The following WHAMM variants were observed in gnomAD, a reference collection of about 807,000 sequenced individuals.
WHAMM encodes the protein WASP homolog-associated protein with actin, membranes and microtubules.
WHAMM carries 67 observed loss-of-function variants against 76.5 expected under a neutral mutation model. That is an observed-to-expected ratio of 0.88 (90% confidence interval 0.72 to 1.07). The LOEUF (loss-of-function observed/expected upper bound fraction) is 1.07, where lower values mean the gene tolerates loss of function less well. Among genes scored for constraint, WHAMM ranks in the 50% least tolerant of loss-of-function variants. The pLI is 0.00. For missense variants in WHAMM, 1,021 were observed against 1,051.1 expected, an observed-to-expected ratio of 0.97 and a Z score of 0.40; for synonymous variants, 419 against 422.1, an observed-to-expected ratio of 0.99 and a Z score of 0.09.
Position 82,810,334 on chromosome 15 carries a change from A to G in WHAMM, c.608A>G (p.Gln203Arg). 1 of 1,309,518 alleles carries G rather than the reference A, an allele frequency of 7.6e-7. No homozygotes were observed. The highest frequency in any genetic ancestry group is 9.7e-7 in the Non-Finnish European group (1 of 1,034,738). 81.1% of individuals were successfully genotyped at this position (1,309,518 alleles called of 1,614,324 possible). ...RWVEADARLR[Q>R]VIQGHGKANT... ...GTCGAGGCGGACGCGCGGCTGCGCCAGGTAAGCGAGGCCCGGTCGCCGGCG... is the reference window on the plus strand; with the variant it reads ...GTCGAGGCGGACGCGCGGCTGCGCCGGGTAAGCGAGGCCCGGTCGCCGGCG... The change falls in exon 1 of 10, where the codon CAG becomes CGG. Residue 203 changes from glutamine to arginine, a missense_variant and splice_region_variant. By Grantham distance (43) the Gln-to-Arg change is conservative. Transcript: ENST00000286760.
chr15:82,810,734 G>C, intron 1 of WHAMM: 3 of 985,466 alleles, frequency 3.0e-6, no homozygotes, highest in Non-Finnish European at 3.6e-6. Context: ...TGTATGAGGG[G>C]ACGTCGCAAA....
chr15:82,810,493 A>G, intron 1 of WHAMM, 158 bp downstream of exon 1: 1 of 985,310 alleles, frequency 1.0e-6, no homozygotes, highest in Admixed American at 6.1e-5. Flanking sequence ...CCTGCGCGGG[A>G]CCGCTGCGGG....
intron 8 of WHAMM, among the ~76,000 whole-genome samples, chr15:82,828,641 C>A (rs2050977860): frequency 6.6e-6 from 1 of 152,178 alleles, no homozygotes; most frequent in Admixed American, 6.5e-5. Flanking sequence ...ATTACTTTTT[C>A]ATGTGTGGGT....
At chr15:82,830,006 TAAGAG>T (rs1003435104) in intron 8 of WHAMM, among the ~76,000 whole-genome samples, 2 of 152,166 alleles carry the variant, frequency 1.3e-5, no homozygotes, top group African/African-American at 4.8e-5. Flanking sequence ...AGCCTAAAAG[TAAGAG>T]AAAAGAAATA....
chr15:82,823,060 TAATAA>T (rs149649485), intron 5 of WHAMM, 35 bp from the exon 6 acceptor site: 72,279 of 1,271,866 alleles, frequency 0.057, 2,334 homozygotes, highest in Non-Finnish European at 0.064. Flanking sequence ...TTTTTTAAAA[TAATAA>T]AATATGTTTT....
rs368773640 is a variant in WHAMM at position 82,830,700 on chromosome 15, C to T, written c.1743C>T (p.His581=). The change falls in exon 9 of 10, where the codon CAC becomes CAT. Residue 581 remains histidine, a synonymous_variant. Transcript: ENST00000286760. ...LSQQMCLPAS[H]AVSVIHPSSR... is the part of the protein sequence containing the mutation. ...AGCAGATGTGCTTGCCAGCTTCCCA[C>T]GCGGTGTCAGTAATTCACCCGTCCT... The T allele has an allele frequency of 7.1e-5, 114 of 1,613,838 alleles. No homozygotes were observed. The highest frequency in any genetic ancestry group is 1.8e-4 in the Admixed American group (11 of 60,010).
chr15:82,829,707 GT>G (rs1262842743), intron 8 of WHAMM, among the ~76,000 whole-genome samples: 27 of 151,260 alleles, frequency 1.8e-4, no homozygotes, highest in African/African-American at 6.3e-4. Flanking sequence ...CATGGGGGGG[GT>G]GTGTGTGTGT....
intron 5 of WHAMM, among the ~76,000 whole-genome samples, chr15:82,822,327 C>T (rs1007909340): frequency 3.9e-5 from 6 of 152,208 alleles, no homozygotes; most frequent in African/African-American, 1.4e-4. Context: ...AAGATTTATA[C>T]AGGGATGTTC....
chr15:82,835,984 A>G lies in WHAMM; in HGVS notation c.*2448A>G, dbSNP rs2051121945. 5 of 152,262 alleles carry G rather than the reference A, an allele frequency of 3.3e-5. No individual in the cohort carries two copies. Among genetic ancestry groups the G allele is most frequent in the Admixed American group, 3.3e-4 (5 of 15,294 alleles). 9.4% of individuals were successfully genotyped at this position (152,262 alleles called of 1,614,324 possible). A position where few individuals can be genotyped will look rare whatever the true frequency, so the allele number is the denominator to read the frequency against. ...TATAATTTCAGTATTTTGAGATACC[A>G]GCGAGCTTAATCAGGCTAAAATAAT... On this transcript the variant is annotated 3_prime_UTR_variant, in exon 10 of 10. Transcript: ENST00000286760.
At chr15:82,814,899 A>G (rs1180814251) in intron 2 of WHAMM, among the ~76,000 whole-genome samples, 2 of 147,852 alleles carry the variant, frequency 1.4e-5, no homozygotes, top group African/African-American at 2.5e-5. Context: ...CCTCCCGAGT[A>G]GCTGGGACTA....
rs776203471 is a variant in WHAMM, at chr15:82,830,621, G to A, written c.1664G>A (p.Arg555Gln). 6.8e-6 allele frequency: 11 copies of A among 1,613,376 alleles called. No homozygotes were observed. The highest frequency in any genetic ancestry group is 4.4e-5 in the South Asian group (4 of 91,044). ...FKDKRLAQSV[R>Q]NTSGSEPVAP... ...CAGAAACGCCTAGCTCAATCTGTCC[G>A]AAACACCTCTGGCTCAGAACCTGTG... Residue 555 changes from arginine (R) to glutamine (Q), a missense_variant, in exon 9 of 10, where the codon CGA (arginine) becomes CAA (glutamine). By Grantham distance (43) the Arg-to-Gln change is conservative. Around this residue, in one of 3 missense-constraint regions of WHAMM, gnomAD observed 509 missense variants for 492.3 expected, o/e 1.03. Coordinates refer to ENST00000286760, the MANE Select transcript of WHAMM (RefSeq NM_001080435.3).
Position 82,835,889 on chromosome 15 carries a change from C to G in WHAMM, c.*2353C>G, listed in dbSNP as rs2051121192. On this transcript the variant is annotated 3_prime_UTR_variant, in exon 10 of 10. Coordinates refer to ENST00000286760, the MANE Select transcript of WHAMM (RefSeq NM_001080435.3). ...AAAGAATTTGGAATTGAAAAAGTAG[C>G]AAAATCACAACTTTGTGGGACTTTT... is the stretch of plus-strand genomic sequence containing the variant. 6.6e-6 allele frequency: 1 copy of G among 152,224 alleles called. No individual in the cohort carries two copies. Among genetic ancestry groups the G allele is most frequent in the Non-Finnish European group, 1.5e-5 (1 of 68,044 alleles). 9.4% of individuals were successfully genotyped at this position (152,224 alleles called of 1,614,324 possible). A position where few individuals can be genotyped will look rare whatever the true frequency, so the allele number is the denominator to read the frequency against.
chr15:82,818,400 C>A (rs1186785250), intron 4 of WHAMM, among the ~76,000 whole-genome samples: 1 of 152,190 alleles, frequency 6.6e-6, no homozygotes, highest in Non-Finnish European at 1.5e-5. Context: ...TTAGATAGCA[C>A]TTTTCTTTCC....
Position 82,809,953 on chromosome 15 carries a change from C to G in WHAMM, c.227C>G (p.Ser76Cys). Residue 76 changes from serine to cysteine, a missense_variant, in exon 1 of 10, where the codon TCC (serine) becomes TGC (cysteine). Physicochemically the swap from Ser to Cys is moderately radical, Grantham distance 112. This residue lies in a region of WHAMM where 501 missense variants were observed against 524.9 expected (regional missense o/e 0.95). Coordinates refer to ENST00000286760, the MANE Select transcript of WHAMM (RefSeq NM_001080435.3). ...EPKPEAAVSP[S>C]SWAGLLSAAG... ...AAGCCTGAGGCCGCCGTCTCCCCGT[C>G]CAGCTGGGCCGGCCTGCTCTCGGCC... 7.2e-7 allele frequency: 1 copy of G among 1,388,392 alleles called. No homozygotes were observed. The allele number at this position is 1,388,392 out of a possible 1,614,324, so 86.0% of individuals were successfully genotyped here.
chr15:82,818,281 C>T (rs1188450464), intron 4 of WHAMM, among the ~76,000 whole-genome samples, 192 bp downstream of exon 4: 1 of 152,144 alleles, frequency 6.6e-6, no homozygotes, highest in Non-Finnish European at 1.5e-5. Flanking sequence ...TCCCCCCTCC[C>T]ACCCTCTTAC....
chr15:82,826,004 C>G (rs927206301), intron 6 of WHAMM, among the ~76,000 whole-genome samples: 6 of 152,176 alleles, frequency 3.9e-5, no homozygotes, highest in African/African-American at 1.4e-4. Context: ...ACAGGTGAAA[C>G]AGTTCTAATT....
intron 8 of WHAMM, among the ~76,000 whole-genome samples, chr15:82,828,307 G>T (rs2050970256): frequency 6.6e-6 from 1 of 152,096 alleles, no homozygotes; most frequent in Non-Finnish European, 1.5e-5. Context: ...AGCCACACAG[G>T]GCTTCTCAGC....
chr15:82,818,595 C>T (rs2050768100), intron 4 of WHAMM, among the ~76,000 whole-genome samples: 1 of 152,168 alleles, frequency 6.6e-6, no homozygotes, highest in African/African-American at 2.4e-5. Context: ...GCAATGTTTT[C>T]ACTACAACTT....
At chr15:82,818,349 C>T (rs2050763283) in intron 4 of WHAMM, among the ~76,000 whole-genome samples, 1 of 152,182 alleles carries the variant, frequency 6.6e-6, no homozygotes, top group Non-Finnish European at 1.5e-5. Flanking sequence ...ACTTAGCTCC[C>T]ACTTATAAGT....
Sources: allele counts gnomAD v4.1 joint callset (sites outside exome capture counted in the v4.1 genomes callset), GRCh38; gene constraint gnomAD v4.1.1; regional missense constraint gnomAD v4.1.1; transcripts MANE v1.5; gene names NCBI Gene and HGNC (gene_info 2026-07-23, HGNC 2026-07-21).